The following ZBED6 variants were observed in gnomAD, a reference collection of about 807,000 sequenced individuals.
ZBED6 encodes the protein zinc finger BED domain-containing protein 6.
ZBED6 carries 40 observed loss-of-function variants against 58.4 expected under a neutral mutation model. The observed-to-expected ratio is 0.68, with a 90% CI of 0.53 to 0.89. The LOEUF (loss-of-function observed/expected upper bound fraction) is 0.89. ZBED6 is among the 40% of genes least tolerant of loss of function. The probability of loss-of-function intolerance (pLI) is 0.00; values close to 1 mark genes in which losing one functional copy is unlikely to be tolerated. For synonymous variants in ZBED6, 439 were observed against 350.6 expected (o/e 1.25, Z -2.82); for missense variants, 1,057 against 1,003.9 (o/e 1.05, Z -0.71).
At chr1:203,841,042 A>G (rs986776240) in intron 11 of ZBED6, among the ~76,000 whole-genome samples, 4 of 149,028 alleles carry the variant, frequency 2.7e-5, no homozygotes, top group Non-Finnish European at 6.0e-5. Context: ...CAAATGCTGA[A>G]CAACGATATG....
rs531570415 is a variant in ZBED6 at position 203,832,446 on chromosome 1, C to T, written c.*3510+675C>T. On this transcript the variant is annotated intron_variant, in intron 8 of 16. Coordinates refer to ENST00000550078, the Ensembl canonical transcript of ZBED6. ...TGCGATCTCCACTCACTGCAACCTC[C>T]GCCTCCCAGGTTCAAGTGATTCTCC... Among the ~76,000 whole-genome samples the T allele has an allele frequency of 9.2e-5, 14 of 152,090 alleles. No homozygotes were observed. In the South Asian group the frequency reaches 1.9e-3, roughly 20 times the overall value.
In ZBED6 at chr1:203,837,039, G is replaced by A. The variant is rs142451567; in HGVS notation, c.*3574-927G>A. On this transcript the variant is annotated intron_variant, in intron 9 of 16. Transcript: ENST00000550078. ...TTTTGGGGGGGCCTGGCATAGTGCT[G>A]TAATCCTAGCATTTGGAGGCTGAAG... is the stretch of plus-strand genomic sequence containing the variant. Among the ~76,000 whole-genome samples, 20 of 152,240 alleles carry A rather than the reference G, an allele frequency of 1.3e-4. No homozygotes were observed. The East Asian group carries it at 3.5e-3, about 27-fold the overall frequency.
chr1:203,797,636 TGAA>T (rs1445818558), exon 1 of ZBED6: 18 of 1,535,686 alleles, frequency 1.2e-5, no homozygotes, highest in African/African-American at 4.1e-5. Flanking sequence ...CTAATACAGA[TGAA>T]GAAGATGTGG....
At chr1:203,828,170 TA>T in intron 3 of ZBED6, 128 bp from the exon 4 acceptor site, 1 of 1,084,064 alleles carries the variant, frequency 9.2e-7, no homozygotes, top group Non-Finnish European at 1.3e-6. Context: ...CTCTTCCTTC[TA>T]AAAATCATCT....
chr1:203,795,803 A>G (rs1558083302), exon 1 of ZBED6: 1 of 151,656 alleles, frequency 6.6e-6, no homozygotes, highest in African/African-American at 2.4e-5. Flanking sequence ...TGGTAACTAG[A>G]CCCGTTTTTT....
At chr1:203,827,104 A>G (rs1400289121) in intron 3 of ZBED6, among the ~76,000 whole-genome samples, 1 of 152,166 alleles carries the variant, frequency 6.6e-6, no homozygotes, top group Non-Finnish European at 1.5e-5. Flanking sequence ...CATCTGTGGC[A>G]TTGAGTATAG....
At chr1:203,828,482 C>T in intron 4 of ZBED6, 60 bp downstream of exon 4, 1 of 1,540,144 alleles carries the variant, frequency 6.5e-7, no homozygotes, top group Non-Finnish European at 8.8e-7. Flanking sequence ...GCACACTGTA[C>T]AACAGTACTT....
rs546884020 is a variant in ZBED6, at chr1:203,816,957, A to G, written c.*2586A>G. The stretch of plus-strand genomic sequence containing the variant: ...AGTTTAAAGACAATTTCTGTGATCA[A>G]GTTGTCATTTGGAAGATTAAACCCA... On this transcript the variant is annotated 3_prime_UTR_variant, in exon 2 of 17. Coordinates refer to ENST00000550078, the Ensembl canonical transcript of ZBED6. 3.8e-5 allele frequency: 23 copies of G among 612,200 alleles called. No homozygotes were observed. In the East Asian group the frequency reaches 6.2e-4, roughly 16 times the overall value. The allele number at this position is 612,200 out of a possible 1,614,324, so 37.9% of individuals were successfully genotyped here.
At chr1:203,812,924 G>A (rs1203747708) in intron 1 of ZBED6, among the ~76,000 whole-genome samples, 1 of 152,116 alleles carries the variant, frequency 6.6e-6, no homozygotes, top group African/African-American at 2.4e-5. Flanking sequence ...CCCTAATGAT[G>A]CATGATGTTG....
At chr1:203,842,085 G>A (rs1216479853) in intron 11 of ZBED6, among the ~76,000 whole-genome samples, 12 of 151,154 alleles carry the variant, frequency 7.9e-5, no homozygotes, top group Admixed American at 2.0e-4. Flanking sequence ...ACGGGATGGC[G>A]GCTGGGAAGA....
At chr1:203,826,366 TATTG>T (rs1235153217) in intron 3 of ZBED6, among the ~76,000 whole-genome samples, 5 of 148,842 alleles carry the variant, frequency 3.4e-5, no homozygotes, top group African/African-American at 9.9e-5. Flanking sequence ...AATAAATAAA[TATTG>T]ATTAATAATA....
At position 203,797,422 on chromosome 1, in the gene ZBED6, C is replaced by A; in HGVS notation, c.-101C>A. 1 of 1,162,316 alleles carries A rather than the reference C, an allele frequency of 8.6e-7. No individual in the cohort carries two copies. Among genetic ancestry groups the A allele is most frequent in the Non-Finnish European group, 1.2e-6 (1 of 869,030 alleles). 72.0% of individuals were successfully genotyped at this position (1,162,316 alleles called of 1,614,324 possible). The stretch of plus-strand genomic sequence containing the variant: ...GTGGGAATTTGATTCCCCATAGAAA[C>A]TGGAGAAAAGGTAATGCAAGTAGAG... On this transcript the variant is annotated 5_prime_UTR_variant, in exon 1 of 17. The change creates a new upstream start codon in the 5' untranslated region. Transcript: ENST00000550078.
chr1:203,839,066 G>A (rs1379011833), intron 10 of ZBED6, among the ~76,000 whole-genome samples: 1 of 152,132 alleles, frequency 6.6e-6, no homozygotes, highest in Non-Finnish European at 1.5e-5. Flanking sequence ...CAGATTAGAA[G>A]GGGGCAAGCA....
chr1:203,853,463 A>G (rs1301568843), exon 17 of ZBED6: 2 of 152,446 alleles, frequency 1.3e-5, no homozygotes, highest in African/African-American at 2.4e-5. Context: ...TCTTTTCTTG[A>G]TGTTGGTTTC....
At chr1:203,797,817 C>G (rs1031766469) in exon 1 of ZBED6, 2 of 1,536,004 alleles carry the variant, frequency 1.3e-6, no homozygotes, top group Non-Finnish European at 1.7e-6. Flanking sequence ...TGCAGATGCC[C>G]CTGCTTTGTT....
At chr1:203,842,006 G>A (rs184515461) in intron 11 of ZBED6, among the ~76,000 whole-genome samples, 10 of 151,854 alleles carry the variant, frequency 6.6e-5, no homozygotes, top group East Asian at 3.9e-4. Flanking sequence ...CAGACGGGGC[G>A]GCAGGGCAGA....
At chr1:203,798,307 C>G in exon 1 of ZBED6, 1 of 1,536,154 alleles carries the variant, frequency 6.5e-7, no homozygotes, top group South Asian at 1.2e-5. Context: ...ATTCCTGGAA[C>G]TAGAGCCAAG....
chr1:203,828,941 G>A (rs957196654), intron 4 of ZBED6, among the ~76,000 whole-genome samples: 1 of 152,170 alleles, frequency 6.6e-6, no homozygotes, highest in Non-Finnish European at 1.5e-5. Flanking sequence ...TAAAAAGCTA[G>A]TGGTTATTCC....
intron 3 of ZBED6, 43 bp downstream of exon 3, chr1:203,818,732 C>T (rs1240224926): frequency 6.2e-7 from 1 of 1,611,274 alleles, no homozygotes; most frequent in Non-Finnish European, 8.5e-7. Flanking sequence ...AGTCTGGAGA[C>T]CTGGTGGGCC....
Sources: allele counts gnomAD v4.1 joint callset (sites outside exome capture counted in the v4.1 genomes callset), GRCh38; gene constraint gnomAD v4.1.1; transcripts MANE v1.5; gene names NCBI Gene and HGNC (gene_info 2026-07-23, HGNC 2026-07-21).